HOMER1: variants seen among roughly 807,000 people sequenced by gnomAD.
HOMER1 encodes homer protein homolog 1.
HOMER1 carries 3 observed loss-of-function variants against 48.9 expected under a neutral mutation model. The ratio of observed to expected loss-of-function variants is 0.06; its 90% CI spans 0.03 to 0.16. The LOEUF is 0.16. Ranked by LOEUF, HOMER1 falls within the 10% of genes least tolerant of loss-of-function variation. The pLI is 1.00. For missense variants in HOMER1, 247 were observed against 411.4 expected (o/e 0.60, Z 3.46); for synonymous variants, 134 against 146.4 (o/e 0.92, Z 0.61).
At chr5:79,391,464 G>T (rs561261180) in intron 8 of HOMER1, among the ~76,000 whole-genome samples, 1 of 151,502 alleles carries the variant, frequency 6.6e-6, no homozygotes, top group African/African-American at 2.4e-5. Flanking sequence ...AAAAAAAAAG[G>T]CCAGGTGCAG....
chr5:79,393,217 T>TA (rs1267179344), intron 8 of HOMER1, among the ~76,000 whole-genome samples: 1 of 151,576 alleles, frequency 6.6e-6, no homozygotes, highest in Admixed American at 6.6e-5. Flanking sequence ...AAAATAGAAA[T>TA]AAAAAACAAG....
chr5:79,394,272 T>C (rs571000128), intron 8 of HOMER1, among the ~76,000 whole-genome samples: 32 of 152,318 alleles, frequency 2.1e-4, no homozygotes, highest in Admixed American at 9.1e-4. Flanking sequence ...GATCCCAATT[T>C]TCTGTACTGA....
chr5:79,444,880 G>A (rs918072824), intron 4 of HOMER1, among the ~76,000 whole-genome samples: 3 of 152,156 alleles, frequency 2.0e-5, no homozygotes, highest in Non-Finnish European at 4.4e-5. Context: ...ACTTAGAGAA[G>A]ACAGATTCAA....
chr5:79,410,309 T>C (rs1403090706), intron 5 of HOMER1, among the ~76,000 whole-genome samples: 1 of 151,790 alleles, frequency 6.6e-6, no homozygotes, highest in Non-Finnish European at 1.5e-5. Flanking sequence ...CTGACCAACA[T>C]GGAGAAACCA....
intron 8 of HOMER1, among the ~76,000 whole-genome samples, chr5:79,384,659 AC>A (rs1407091981): frequency 6.6e-6 from 1 of 152,152 alleles, no homozygotes; most frequent in East Asian, 1.9e-4. Flanking sequence ...GGCCAGCATT[AC>A]TCTGATACCA....
chr5:79,457,507 A>G (rs1751205835), intron 1 of HOMER1, among the ~76,000 whole-genome samples: 1 of 152,228 alleles, frequency 6.6e-6, no homozygotes, highest in Non-Finnish European at 1.5e-5. Flanking sequence ...GCCCATAAGC[A>G]TCATGCTGAA....
intron 4 of HOMER1, among the ~76,000 whole-genome samples, chr5:79,443,272 AAAT>A (rs1211833589): frequency 6.6e-6 from 1 of 152,194 alleles, no homozygotes; most frequent in Non-Finnish European, 1.5e-5. Flanking sequence ...TAAAAAATTA[AAAT>A]AATACTCACA....
intron 1 of HOMER1, among the ~76,000 whole-genome samples, chr5:79,498,886 T>G (rs1419558721): frequency 1.4e-5 from 2 of 146,788 alleles, no homozygotes; most frequent in Non-Finnish European, 1.5e-5. Context: ...CAGGCTGGAG[T>G]GCAAAGTGGC....
intron 8 of HOMER1, among the ~76,000 whole-genome samples, chr5:79,380,543 T>C (rs1286151121): frequency 6.6e-6 from 1 of 152,218 alleles, no homozygotes; most frequent in Non-Finnish European, 1.5e-5. Context: ...CAGCCAAGGC[T>C]GCCACCAGTG....
chr5:79,407,362 C>A (rs1404820273), intron 5 of HOMER1, among the ~76,000 whole-genome samples: 1 of 150,688 alleles, frequency 6.6e-6, no homozygotes, highest in South Asian at 2.1e-4. Flanking sequence ...AAGCAATCAA[C>A]AGAATCATAC....
At chr5:79,432,543 T>C (rs1166284250) in intron 5 of HOMER1, among the ~76,000 whole-genome samples, 1 of 152,140 alleles carries the variant, frequency 6.6e-6, no homozygotes, top group Non-Finnish European at 1.5e-5. Flanking sequence ...TAAAGAATAG[T>C]TTTTTTCTTG....
chr5:79,374,153 C>T lies in HOMER1; in HGVS notation c.*1856G>A, dbSNP rs537107535. 6.6e-6 allele frequency: 1 copy of T among 152,446 alleles called. No individual in the cohort carries two copies. Among genetic ancestry groups the T allele is most frequent in the Admixed American group, 6.6e-5 (1 of 15,260 alleles). The allele number at this position is 152,446 out of a possible 1,614,324, so 9.4% of individuals were successfully genotyped here. A position where few individuals can be genotyped will look rare whatever the true frequency, so the allele number is the denominator to read the frequency against. On this transcript the variant is annotated 3_prime_UTR_variant, in exon 9 of 9. Transcript: ENST00000334082. Reference sequence around the variant, plus strand: ...CTGATGGATAAAAACACATTTACTTCAAAATTCCATCAATCAAATACATTT... The same window carrying T: ...CTGATGGATAAAAACACATTTACTTTAAAATTCCATCAATCAAATACATTT...
At chr5:79,398,759 T>C (rs1296141686) in intron 6 of HOMER1, among the ~76,000 whole-genome samples, 2 of 152,126 alleles carry the variant, frequency 1.3e-5, no homozygotes, top group Non-Finnish European at 2.9e-5. Context: ...CCATCCACAC[T>C]GCCCAAGATA....
At chr5:79,446,954 G>T (rs373745655) in intron 4 of HOMER1, 99 bp downstream of exon 4, 2 of 747,432 alleles carry the variant, frequency 2.7e-6, no homozygotes, top group East Asian at 2.6e-5. Context: ...ACACTAAAGG[G>T]TGCATTTCTG....
At chr5:79,472,510 C>G (rs1306020643) in intron 1 of HOMER1, among the ~76,000 whole-genome samples, 1 of 152,052 alleles carries the variant, frequency 6.6e-6, no homozygotes, top group Non-Finnish European at 1.5e-5. Flanking sequence ...GGCGTGGTGG[C>G]TCATGCTTGT....
chr5:79,423,387 T>C (rs1385509794), intron 5 of HOMER1, among the ~76,000 whole-genome samples: 1 of 152,216 alleles, frequency 6.6e-6, no homozygotes, highest in Non-Finnish European at 1.5e-5. Flanking sequence ...TATTTCAGGA[T>C]ACTATGAAGC....
intron 5 of HOMER1, among the ~76,000 whole-genome samples, chr5:79,404,956 G>A (rs914119119): frequency 2.3e-4 from 35 of 151,472 alleles, no homozygotes; most frequent in Admixed American, 2.2e-3. Context: ...TGATCCACCC[G>A]CCTCGGCCTT....
chr5:79,384,108 C>CA (rs61146751), intron 8 of HOMER1, among the ~76,000 whole-genome samples: 8,954 of 86,300 alleles, frequency 0.1, 498 homozygotes, highest in African/African-American at 0.22. Context: ...ACTAGAAAAG[C>CA]AAAAAAAAAA....
In HOMER1 at chr5:79,510,730, C is replaced by G. The variant is rs564335190; in HGVS notation, c.5+2040G>C. ...GCAAGCTCAACTTGCCTACACTGTC[C>G]ACCCCAAGCTTGGGAAGCATGCTCG... On this transcript the variant is annotated intron_variant, in intron 1 of 8. Coordinates refer to ENST00000334082, the MANE Select transcript of HOMER1 (RefSeq NM_004272.5). 5.1e-6 allele frequency: 4 copies of G among 781,024 alleles called. No individual in the cohort carries two copies. The African/African-American group carries it at 6.7e-5, about 13-fold the overall frequency. 48.4% of individuals were successfully genotyped at this position (781,024 alleles called of 1,614,324 possible).
Sources: gnomAD v4.1 joint callset for allele counts (sites outside exome capture counted in the v4.1 genomes callset) on GRCh38, gnomAD v4.1.1 for gene constraint, MANE v1.5 for transcripts, NCBI Gene and HGNC (gene_info 2026-07-23, HGNC 2026-07-21) for gene names.